MYRIP: variants seen among roughly 807,000 people sequenced by gnomAD.
MYRIP encodes the protein rab effector MyRIP.
MYRIP carries 49 observed loss-of-function variants against 98.0 expected under a neutral mutation model. The ratio of observed to expected loss-of-function variants is 0.50; its 90% CI spans 0.40 to 0.63. The LOEUF (loss-of-function observed/expected upper bound fraction) is 0.63. Ranked by LOEUF, MYRIP falls within the 30% of genes least tolerant of loss-of-function variation. MYRIP has a pLI of 0.00. For synonymous variants in MYRIP, 404 were observed against 409.5 expected (o/e 0.99, Z 0.16); for missense variants, 1,004 against 1,058.2 (o/e 0.95, Z 0.71).
intron 10 of MYRIP, among the ~76,000 whole-genome samples, chr3:40,192,102 G>C (rs1297711456): frequency 2.1e-5 from 3 of 145,358 alleles, no homozygotes; most frequent in Admixed American, 2.0e-4. Context: ...AACCCTGATG[G>C]GTTTTTTTTT....
At chr3:39,955,561 C>A (rs1419276073) in intron 2 of MYRIP, among the ~76,000 whole-genome samples, 1 of 152,102 alleles carries the variant, frequency 6.6e-6, no homozygotes, top group Non-Finnish European at 1.5e-5. Flanking sequence ...CGGTACCAGC[C>A]ACTGCAAAAA....
rs1221669934 is a variant in MYRIP, at chr3:39,852,739, C to T, written c.-31+42823C>T. 2.2e-5 allele frequency among the ~76,000 whole-genome samples: 3 copies of T among 136,268 alleles called. No homozygotes were observed. The South Asian group carries it at 6.4e-4, about 29-fold the overall frequency. The allele number at this position is 136,268 out of a possible 152,430, so 89.4% of individuals were successfully genotyped here. Reference sequence around the variant, plus strand: ...CTTCTCTCCTCTCCTCTCCTGTTCTCCTCTTCTCTTCTCTTCTGTTCTCCT... The same window carrying T: ...CTTCTCTCCTCTCCTCTCCTGTTCTTCTCTTCTCTTCTCTTCTGTTCTCCT... On this transcript the variant is annotated intron_variant, in intron 1 of 16. Transcript: ENST00000302541.
intron 1 of MYRIP, among the ~76,000 whole-genome samples, chr3:39,874,959 T>G (rs1314749705): frequency 6.6e-6 from 1 of 152,202 alleles, no homozygotes; most frequent in Non-Finnish European, 1.5e-5. Flanking sequence ...CGGCTGTGAA[T>G]CCATCTGGTC....
At chr3:39,937,987 A>G (rs2125706438) in intron 2 of MYRIP, among the ~76,000 whole-genome samples, 1 of 152,340 alleles carries the variant, frequency 6.6e-6, no homozygotes, top group African/African-American at 2.4e-5. Context: ...GAGAGTCCAG[A>G]GAAGCAGCTT....
intron 1 of MYRIP, among the ~76,000 whole-genome samples, chr3:39,846,489 C>T (rs1215553168): frequency 1.3e-5 from 2 of 152,126 alleles, no homozygotes; most frequent in Non-Finnish European, 2.9e-5. Flanking sequence ...CCTTCCCTTT[C>T]TCTCTCCCAA....
intron 2 of MYRIP, among the ~76,000 whole-genome samples, chr3:40,007,437 G>C (rs115684775): frequency 2.0e-5 from 3 of 152,096 alleles, no homozygotes; most frequent in Non-Finnish European, 4.4e-5. Flanking sequence ...GCCAACATAC[G>C]TGAATGCTTC....
chr3:40,164,909 G>A (rs1237907027), intron 5 of MYRIP, among the ~76,000 whole-genome samples: 1 of 152,152 alleles, frequency 6.6e-6, no homozygotes, highest in Non-Finnish European at 1.5e-5. Context: ...TTACTTATGT[G>A]TCTAATCACC....
chr3:40,218,612 T>TTATATATATATATA (rs751894190), intron 11 of MYRIP, among the ~76,000 whole-genome samples: 68 of 13,464 alleles, frequency 5.1e-3, no homozygotes, highest in Admixed American at 0.01. Context: ...TATATATATT[T>TTATATATATATATA]TATATATATA....
intron 1 of MYRIP, among the ~76,000 whole-genome samples, chr3:39,874,148 G>T: frequency 6.6e-6 from 1 of 151,922 alleles, no homozygotes; most frequent in Non-Finnish European, 1.5e-5. Context: ...TTTGTCTGTT[G>T]TTGGCGTATA....
rs1190207154 is a variant in MYRIP at position 40,167,142 on chromosome 3, T to C, written c.649-17T>C. On this transcript the variant is annotated splice_polypyrimidine_tract_variant and intron_variant, in intron 6 of 16. Coordinates refer to ENST00000302541, the MANE Select transcript of MYRIP (RefSeq NM_015460.4). ...CAAATCCACCCACAGCACACAGCCATTCTCTTCCCTCCTCAGGACAAGCAA... is the reference window on the plus strand; with the variant it reads ...CAAATCCACCCACAGCACACAGCCACTCTCTTCCCTCCTCAGGACAAGCAA... 1 of 1,613,580 alleles carries C rather than the reference T, an allele frequency of 6.2e-7. No homozygotes were observed. The highest frequency in any genetic ancestry group is 8.5e-7 in the Non-Finnish European group (1 of 1,179,528).
chr3:39,832,376 G>A (rs1336124411), intron 1 of MYRIP, among the ~76,000 whole-genome samples: 1 of 152,138 alleles, frequency 6.6e-6, no homozygotes, highest in Non-Finnish European at 1.5e-5. Context: ...CCAGAGAGAG[G>A]CACAGAGACT....
At chr3:40,054,456 G>T (rs1244857093) in intron 3 of MYRIP, among the ~76,000 whole-genome samples, 1 of 152,108 alleles carries the variant, frequency 6.6e-6, no homozygotes, top group Non-Finnish European at 1.5e-5. Context: ...TATCACCTAG[G>T]TATTGAGTCA....
intron 3 of MYRIP, among the ~76,000 whole-genome samples, chr3:40,075,418 C>G (rs1948322572): frequency 6.6e-6 from 1 of 152,154 alleles, no homozygotes; most frequent in South Asian, 2.1e-4. Context: ...GAAGTAGATC[C>G]ACCTGTCCTG....
intron 12 of MYRIP, among the ~76,000 whole-genome samples, chr3:40,239,487 A>T: frequency 7.1e-6 from 1 of 139,908 alleles, no homozygotes; most frequent in African/African-American, 3.1e-5. Context: ...CGCCACACTG[A>T]CTTCCACAAT....
At position 39,841,036 on chromosome 3, in the gene MYRIP, A is replaced by G. The variant is rs569680277; in HGVS notation, c.-31+31120A>G. Among the ~76,000 whole-genome samples the G allele has an allele frequency of 5.9e-5, 9 of 152,210 alleles. No individual in the cohort carries two copies. In the East Asian group the frequency reaches 9.7e-4, roughly 16 times the overall value. ...TTGCTAGTTGGGGAAGTTCTCCTGGATAATATCCTCAAGTGTGTTTTCCAA... is the reference window on the plus strand; with the variant it reads ...TTGCTAGTTGGGGAAGTTCTCCTGGGTAATATCCTCAAGTGTGTTTTCCAA... On this transcript the variant is annotated intron_variant, in intron 1 of 16. Coordinates refer to ENST00000302541, the MANE Select transcript of MYRIP (RefSeq NM_015460.4).
chr3:40,033,825 T>G (rs1947315054), intron 2 of MYRIP, among the ~76,000 whole-genome samples: 1 of 152,042 alleles, frequency 6.6e-6, no homozygotes, highest in South Asian at 2.1e-4. Flanking sequence ...CAAACTATAC[T>G]ACAAGGCTAC....
chr3:39,917,946 C>T (rs1944204066), intron 2 of MYRIP, among the ~76,000 whole-genome samples: 1 of 146,958 alleles, frequency 6.8e-6, no homozygotes, highest in Admixed American at 6.8e-5. Context: ...TTTTTGGAGA[C>T]GGAGTCTCGC....
intron 2 of MYRIP, among the ~76,000 whole-genome samples, chr3:39,950,298 G>A (rs1352709197): frequency 6.6e-6 from 1 of 151,890 alleles, no homozygotes; most frequent in Admixed American, 6.6e-5. Context: ...CATATTTGTG[G>A]GTTCCTTTTC....
At chr3:39,906,204 C>T (rs1943874554) in intron 2 of MYRIP, among the ~76,000 whole-genome samples, 2 of 152,118 alleles carry the variant, frequency 1.3e-5, no homozygotes, top group South Asian at 2.1e-4. Context: ...TTAACCATGT[C>T]CCATTTGTAG....
Sources: gnomAD v4.1 joint callset for allele counts (sites outside exome capture counted in the v4.1 genomes callset) on GRCh38, gnomAD v4.1.1 for gene constraint, MANE v1.5 for transcripts, NCBI Gene and HGNC (gene_info 2026-07-23, HGNC 2026-07-21) for gene names.